Variants in ATG13 observed in about 807,000 individuals in gnomAD.
ATG13 encodes autophagy-related protein 13.
In ATG13, 23 loss-of-function variants were observed where a neutral mutation model predicts 65.5. The ratio of observed to expected loss-of-function variants is 0.35; its 90% CI spans 0.25 to 0.50. The LOEUF is 0.50. Ranked by LOEUF, ATG13 falls within the 20% of genes least tolerant of loss-of-function variation. The pLI is 0.98. For missense variants in ATG13, 566 were observed against 677.0 expected, an observed-to-expected ratio of 0.84 and a Z score of 1.82; for synonymous variants, 252 against 245.2, an observed-to-expected ratio of 1.03 and a Z score of -0.26.
intron 9 of ATG13, 145 bp downstream of exon 9, chr11:46,657,336 T>C (rs2060243651): frequency 1.1e-6 from 1 of 943,364 alleles, no homozygotes; most frequent in African/African-American, 1.6e-5. Flanking sequence ...GTTGCCAGAT[T>C]GGAGAATTTG....
Position 46,657,510 on chromosome 11 carries a change from TTATTG to T in ATG13, c.597-9_597-5del. On this transcript the variant is annotated splice_polypyrimidine_tract_variant and intron_variant, in intron 9 of 18. Coordinates refer to ENST00000683050, the MANE Select transcript of ATG13 (RefSeq NM_001346311.2). ...CATTCTAACAAATACTGGAATCTGCTTATTGTATTACAGGCAATTTGAGAGGACCC... is the reference window on the plus strand; with the variant it reads ...CATTCTAACAAATACTGGAATCTGCTTATTACAGGCAATTTGAGAGGACCC... 6.2e-7 allele frequency: 1 copy of T among 1,608,576 alleles called. No individual in the cohort carries two copies. The highest frequency in any genetic ancestry group is 8.5e-7 in the Non-Finnish European group (1 of 1,174,918).
chr11:46,619,047 C>T (rs1365918941), intron 1 of ATG13, among the ~76,000 whole-genome samples: 1 of 152,056 alleles, frequency 6.6e-6, no homozygotes, highest in Non-Finnish European at 1.5e-5. Context: ...AAGTAACTTC[C>T]AACATGGGGT....
intron 18 of ATG13, among the ~76,000 whole-genome samples, chr11:46,670,708 TGGAGGC>T (rs1201677708): frequency 6.6e-6 from 1 of 151,822 alleles, no homozygotes; most frequent in Non-Finnish European, 1.5e-5. Flanking sequence ...CCTTGGGAGG[TGGAGGC>T]AGGAGGATTG....
chr11:46,645,522 A>G, intron 4 of ATG13, 103 bp downstream of exon 4: 2 of 972,252 alleles, frequency 2.1e-6, no homozygotes, highest in South Asian at 3.3e-5. Flanking sequence ...ATAGTATTAT[A>G]AAAGTAAAAT....
At chr11:46,670,141 G>A (rs778466848) in intron 18 of ATG13, among the ~76,000 whole-genome samples, 14 of 152,290 alleles carry the variant, frequency 9.2e-5, no homozygotes, top group Middle Eastern at 3.4e-3. Context: ...AGATCCTATG[G>A]TAGCTGCCCT....
chr11:46,655,258 G>A (rs1462089030), intron 7 of ATG13, among the ~76,000 whole-genome samples: 6 of 152,078 alleles, frequency 3.9e-5, no homozygotes, highest in East Asian at 1.9e-4. Context: ...AATTAGCCGG[G>A]CGCGGTGGCG....
At chr11:46,619,123 G>A (rs1298332297) in intron 1 of ATG13, among the ~76,000 whole-genome samples, 3 of 152,122 alleles carry the variant, frequency 2.0e-5, no homozygotes, top group Admixed American at 6.6e-5. Flanking sequence ...GTGGAGGAGA[G>A]TGCATAGAGT....
intron 1 of ATG13, 200 bp from the exon 2 acceptor site, chr11:46,629,845 T>G (rs1384943396): frequency 6.6e-6 from 1 of 152,228 alleles, no homozygotes; most frequent in Non-Finnish European, 1.5e-5. Context: ...ACAGAGTGAC[T>G]ACATATATCT....
rs373541469 is a variant in ATG13 at position 46,666,916 on chromosome 11, T to TTG, written c.1137-844_1137-843dup. 7.0e-3 allele frequency among the ~76,000 whole-genome samples: 1,072 copies of TTG among 152,076 alleles called. 17 individuals carry two copies. The highest frequency in any genetic ancestry group is 0.024 in the African/African-American group (1,011 of 41,474). Reference sequence around the variant, plus strand: ...GGGAAGGAGTCATTTAGGAAGGTTTTTGTGTGTGTGTGTGCCATCCATCAG... The same window carrying TTG: ...GGGAAGGAGTCATTTAGGAAGGTTTTTGTGTGTGTGTGTGTGCCATCCATCAG... On this transcript the variant is annotated intron_variant, in intron 14 of 18. Transcript: ENST00000683050.
At chr11:46,629,392 T>G (rs1226626723) in intron 1 of ATG13, among the ~76,000 whole-genome samples, 1 of 152,078 alleles carries the variant, frequency 6.6e-6, no homozygotes, top group African/African-American at 2.4e-5. Flanking sequence ...AGGAGGTTTT[T>G]GTTTTTGTTT....
chr11:46,622,077 ATATATATATATATATATATATAT>A, intron 1 of ATG13, among the ~76,000 whole-genome samples: 1 of 1,112 alleles, frequency 9.0e-4, no homozygotes, highest in Non-Finnish European at 1.7e-3. Context: ...ATTTATTTAC[ATATATATATATATATATATATAT>A]ATATATATAT....
intron 6 of ATG13, 58 bp downstream of exon 6, chr11:46,649,241 T>C (rs1340440558): frequency 2.6e-6 from 4 of 1,557,096 alleles, no homozygotes; most frequent in Non-Finnish European, 3.5e-6. Context: ...GTAGATGACA[T>C]CATGTGAAAA....
intron 5 of ATG13, 25 bp from the exon 6 acceptor site, chr11:46,649,112 T>G: frequency 6.3e-7 from 1 of 1,599,972 alleles, no homozygotes; most frequent in Non-Finnish European, 8.5e-7. Flanking sequence ...TTTAAACAAA[T>G]ATTTTAAATT....
chr11:46,672,736 A>G lies in ATG13; in HGVS notation c.*404A>G, dbSNP rs773926286. The G allele has an allele frequency of 1.5e-6, 2 of 1,334,442 alleles. No homozygotes were observed. The highest frequency in any genetic ancestry group is 4.0e-5 in the Admixed American group (2 of 49,398). The allele number at this position is 1,334,442 out of a possible 1,614,324, so 82.7% of individuals were successfully genotyped here. On this transcript the variant is annotated 3_prime_UTR_variant, in exon 19 of 19. Transcript: ENST00000683050. Reference sequence around the variant, plus strand: ...GTCACCATCCACTGTTTGACATTCCAGCTGGTGGCCAAGAGATTGGTGTGG... The same window carrying G: ...GTCACCATCCACTGTTTGACATTCCGGCTGGTGGCCAAGAGATTGGTGTGG...
Position 46,667,781 on chromosome 11 carries a change from C to T in ATG13, c.1145C>T (p.Thr382Ile), listed in dbSNP as rs1321921081. The change falls in exon 15 of 19, where the codon ACT (threonine) becomes ATT (isoleucine). Residue 382 changes from threonine to isoleucine, a missense_variant. This residue lies in a region of ATG13 where 387 missense variants were observed against 409.8 expected (regional missense o/e 0.94). Transcript: ENST00000683050. ...CAATPSSSED[T>I]ETVSNSSEGR... ...TCACCTTTCTCCTCCAGTGAGGATACTGAAACCGTATCAAACAGCAGTGAG... is the reference window on the plus strand; with the variant it reads ...TCACCTTTCTCCTCCAGTGAGGATATTGAAACCGTATCAAACAGCAGTGAG... 5.0e-6 allele frequency: 8 copies of T among 1,603,290 alleles called. No homozygotes were observed. Among genetic ancestry groups the T allele is most frequent in the Non-Finnish European group, 6.0e-6 (7 of 1,171,116 alleles).
At chr11:46,618,151 T>G (rs2045945369) in intron 1 of ATG13, 1 of 359,788 alleles carries the variant, frequency 2.8e-6, no homozygotes, top group Non-Finnish European at 4.9e-6. Flanking sequence ...TCAGGCGTTT[T>G]GGAGGTAATT....
At chr11:46,650,456 A>G (rs531241557) in intron 7 of ATG13, 139 bp downstream of exon 7, 16 of 1,206,598 alleles carry the variant, frequency 1.3e-5, no homozygotes, top group Middle Eastern at 2.9e-4. Context: ...CTTTCATGTG[A>G]TCACTATCCA....
At chr11:46,633,792 C>T (rs1434320089) in intron 2 of ATG13, among the ~76,000 whole-genome samples, 1 of 152,080 alleles carries the variant, frequency 6.6e-6, no homozygotes, top group Non-Finnish European at 1.5e-5. Flanking sequence ...GCCTGGGTAA[C>T]GGTGTGAGAC....
At chr11:46,620,811 T>C (rs1230956664) in intron 1 of ATG13, among the ~76,000 whole-genome samples, 1 of 151,998 alleles carries the variant, frequency 6.6e-6, no homozygotes, top group African/African-American at 2.4e-5. Flanking sequence ...ACGTGCATGG[T>C]TGACTTAACA....
Sources: allele counts gnomAD v4.1 joint callset (sites outside exome capture counted in the v4.1 genomes callset), GRCh38; gene constraint gnomAD v4.1.1; regional missense constraint gnomAD v4.1.1; transcripts MANE v1.5; gene names NCBI Gene and HGNC (gene_info 2026-07-23, HGNC 2026-07-21).